Variants in CYSLTR1 observed in about 807,000 individuals in gnomAD.
The protein encoded by CYSLTR1 is G-protein coupled receptor HG55.
CYSLTR1 carries 1 observed loss-of-function variant against 2.1 expected under a neutral mutation model. The observed-to-expected ratio is 0.48, with a 90% CI of 0.17 to 2.28. The LOEUF is 2.28. Ranked by LOEUF, CYSLTR1 falls within the 30% of genes most tolerant of loss-of-function variation. CYSLTR1 has a pLI of 0.26. For missense variants in CYSLTR1, 299 were observed against 250.1 expected, an observed-to-expected ratio of 1.20 and a Z score of -1.32; for synonymous variants, 110 against 89.6, an observed-to-expected ratio of 1.23 and a Z score of -1.28.
At chrX:78,303,547 A>G (rs1360096134) in intron 1 of CYSLTR1, among the ~76,000 whole-genome samples, 2 of 110,870 alleles carry the variant, frequency 1.8e-5, no homozygotes, top group Non-Finnish European at 3.8e-5. Context: ...AAACTTCCCC[A>G]TTAATCCTAC....
intron 1 of CYSLTR1, among the ~76,000 whole-genome samples, chrX:78,293,742 C>T (rs1474881495): frequency 8.9e-6 from 1 of 111,853 alleles, no homozygotes; most frequent in Non-Finnish European, 1.9e-5. Context: ...TCTTCAATCA[C>T]TGACAACCTT....
rs767671951 is a variant in CYSLTR1, at chrX:78,293,190, C to G, written c.-114-9650G>C. 2.4e-3 allele frequency among the ~76,000 whole-genome samples: 261 copies of G among 109,920 alleles called. 1 individual carries two copies. The highest frequency in any genetic ancestry group is 7.7e-3 in the African/African-American group (232 of 30,226). Reference sequence around the variant, plus strand: ...CAGGCCTGGTGGTGACAAAATCTCTCAGCATTTGCTTGTCTGTAAAGGATT... The same window carrying G: ...CAGGCCTGGTGGTGACAAAATCTCTGAGCATTTGCTTGTCTGTAAAGGATT... On this transcript the variant is annotated intron_variant, in intron 1 of 2. Transcript: ENST00000373304.
chrX:78,274,827 C>G (rs1416720945), intron 2 of CYSLTR1, among the ~76,000 whole-genome samples: 1 of 111,267 alleles, frequency 9.0e-6, no homozygotes, highest in Non-Finnish European at 1.9e-5. Context: ...GCAATCTACT[C>G]ATCTGACAAA....
At chrX:78,281,381 C>T (rs1268929282) in intron 2 of CYSLTR1, among the ~76,000 whole-genome samples, 1 of 110,727 alleles carries the variant, frequency 9.0e-6, no homozygotes, top group Non-Finnish European at 1.9e-5. Flanking sequence ...ATTCTCCCAC[C>T]TCAGCCTCCC....
At chrX:78,287,931 T>C in intron 1 of CYSLTR1, among the ~76,000 whole-genome samples, 1 of 111,841 alleles carries the variant, frequency 8.9e-6, no homozygotes, top group Middle Eastern at 4.6e-3. Flanking sequence ...TGTGTGCAGA[T>C]TACTGCATGT....
intron 2 of CYSLTR1, among the ~76,000 whole-genome samples, chrX:78,277,230 G>A (rs908264285): frequency 3.6e-5 from 4 of 111,025 alleles, no homozygotes; most frequent in Admixed American, 2.9e-4. Flanking sequence ...CATAGGGTAG[G>A]GGTAGTATGA....
rs773948845 is a variant in CYSLTR1 at position 78,272,989 on chromosome X, C to T, written c.758G>A (p.Arg253His). Reference protein sequence around the residue: ...LVSFMPYHIQRTIHLHFLHNE... With the variant: ...LVSFMPYHIQHTIHLHFLHNE... ...GTGTAAAAAATGAAGGTGAATGGTA[C>T]GTTGAATATGATATGGCATGAAACT... Residue 253 changes from arginine (R) to histidine (H), a missense_variant, in exon 3 of 3, where the codon CGT becomes CAT. Transcript: ENST00000373304. The T allele has an allele frequency of 8.3e-6, 10 of 1,209,457 alleles. No individual in the cohort carries two copies. The highest frequency in any genetic ancestry group is 6.6e-5 in the Admixed American group (3 of 45,619).
rs1283566984 is a variant in CYSLTR1, at chrX:78,271,729, C to T, written c.*1004G>A. 1.8e-5 allele frequency: 2 copies of T among 111,917 alleles called. No individual in the cohort carries two copies. The highest frequency in any genetic ancestry group is 3.2e-5 in the African/African-American group (1 of 30,853). The allele number at this position is 111,917 out of a possible 1,213,427, so 9.2% of individuals were successfully genotyped here. A position where few individuals can be genotyped will look rare whatever the true frequency, so the allele number is the denominator to read the frequency against. ...TTATCGTGAACTTTCACCCATAATG[C>T]ATATCATACAGCAAAATCTCTTACA... is the stretch of plus-strand genomic sequence containing the variant. On this transcript the variant is annotated 3_prime_UTR_variant, in exon 3 of 3. Transcript: ENST00000373304.
chrX:78,317,480 T>C (rs962024790), intron 1 of CYSLTR1, among the ~76,000 whole-genome samples: 2 of 112,345 alleles, frequency 1.8e-5, no homozygotes, highest in Admixed American at 1.9e-4. Context: ...TACTATTGGG[T>C]TTCTACCCAA....
chrX:78,273,149 T>C lies in CYSLTR1; in HGVS notation c.598A>G (p.Ile200Val). 2 of 1,209,612 alleles carry C rather than the reference T, an allele frequency of 1.7e-6. No individual in the cohort carries two copies. Among genetic ancestry groups the C allele is most frequent in the Non-Finnish European group, 2.2e-6 (2 of 894,342 alleles). The change falls in exon 3 of 3, where the codon ATC becomes GTC. Residue 200 changes from isoleucine (I) to valine (V), a missense_variant. By Grantham distance (29) the Ile-to-Val change is conservative. Coordinates refer to ENST00000373304, the MANE Select transcript of CYSLTR1 (RefSeq NM_006639.4). Reference sequence around the variant, plus strand: ...CAGACAATTATAATAACAAAAGGGATGATAAAGCCAACAAACAATGACACA... The same window carrying C: ...CAGACAATTATAATAACAAAAGGGACGATAAAGCCAACAAACAATGACACA... The part of the protein sequence containing the change: ...HYVSLFVGFI[I>V]PFVIIIVCYT...
At chrX:78,314,750 C>T (rs940202084) in intron 1 of CYSLTR1, among the ~76,000 whole-genome samples, 1 of 110,091 alleles carries the variant, frequency 9.1e-6, no homozygotes, top group Non-Finnish European at 1.9e-5. Flanking sequence ...GAGAATTACT[C>T]ACTCCAACAG....
At chrX:78,276,629 A>AT (rs1281754252) in intron 2 of CYSLTR1, among the ~76,000 whole-genome samples, 1 of 110,795 alleles carries the variant, frequency 9.0e-6, no homozygotes, top group Admixed American at 9.7e-5. Flanking sequence ...TTTCCCTTTC[A>AT]TTAAAAAAGT....
At chrX:78,284,567 ATT>A (rs1269505514) in intron 1 of CYSLTR1, among the ~76,000 whole-genome samples, 1 of 108,788 alleles carries the variant, frequency 9.2e-6, no homozygotes, top group Non-Finnish European at 1.9e-5. Flanking sequence ...CACCCAGCTA[ATT>A]TTTGTATTTT....
chrX:78,312,024 G>A (rs1011212188), intron 1 of CYSLTR1, among the ~76,000 whole-genome samples: 1 of 111,534 alleles, frequency 9.0e-6, no homozygotes, highest in Non-Finnish European at 1.9e-5. Flanking sequence ...ATTTACCAAA[G>A]CAATTGTAAG....
intron 1 of CYSLTR1, among the ~76,000 whole-genome samples, chrX:78,326,079 C>A (rs1431576287): frequency 9.0e-6 from 1 of 111,556 alleles, no homozygotes; most frequent in East Asian, 2.8e-4. Flanking sequence ...TTTGGAGGAA[C>A]CCTGATTGGC....
At chrX:78,312,636 C>A (rs952198042) in intron 1 of CYSLTR1, among the ~76,000 whole-genome samples, 6 of 111,530 alleles carry the variant, frequency 5.4e-5, no homozygotes, top group African/African-American at 2.0e-4. Flanking sequence ...ACAAAATAAT[C>A]CAATTTAAAA....
Position 78,273,320 on chromosome X carries a change from C to G in CYSLTR1, c.427G>C (p.Val143Leu), listed in dbSNP as rs757257673. Reference sequence around the variant, plus strand: ...ACAAAAATCCAAATACCTACACACACAAACCTGGCTTTTTTCTGTGTAACC... The same window carrying G: ...ACAAAAATCCAAATACCTACACACAGAAACCTGGCTTTTTTCTGTGTAACC... ...NLVTQKKARF[V>L]CVGIWIFVIL... The change falls in exon 3 of 3, where the codon GTG becomes CTG. Residue 143 changes from valine to leucine, a missense_variant. Val to Leu is a conservative substitution (Grantham distance 32, BLOSUM62 1). Transcript: ENST00000373304. The G allele has an allele frequency of 1.5e-5, 18 of 1,209,217 alleles. No homozygotes were observed. In the South Asian group the frequency reaches 3.0e-4, roughly 20 times the overall value.
At chrX:78,305,511 T>C (rs758967329) in intron 1 of CYSLTR1, among the ~76,000 whole-genome samples, 135 of 55,185 alleles carry the variant, frequency 2.4e-3, no homozygotes, top group Non-Finnish European at 2.3e-3. Flanking sequence ...ATATTACTTA[T>C]AAGGAAAAAA....
chrX:78,307,069 G>A (rs192105909), intron 1 of CYSLTR1, among the ~76,000 whole-genome samples: 1 of 112,080 alleles, frequency 8.9e-6, no homozygotes, highest in Admixed American at 9.4e-5. Context: ...AAGAAAGAAA[G>A]AAGATGTGAA....
Sources: allele counts gnomAD v4.1 joint callset (sites outside exome capture counted in the v4.1 genomes callset), GRCh38; gene constraint gnomAD v4.1.1; transcripts MANE v1.5; gene names NCBI Gene and HGNC (gene_info 2026-07-23, HGNC 2026-07-21).